The following CSMD2 variants were observed in gnomAD, a reference collection of about 807,000 sequenced individuals.
CSMD2 encodes the protein CUB and Sushi multiple domains 2.
CSMD2 carries 130 observed loss-of-function variants against 398.5 expected under a neutral mutation model. That is an observed-to-expected ratio of 0.33 (90% CI 0.28 to 0.38). CSMD2 has a LOEUF of 0.38. Ranked by LOEUF, CSMD2 falls within the 10% of genes least tolerant of loss-of-function variation. CSMD2 has a pLI of 1.00. For missense variants in CSMD2, 3,829 were observed against 4,764.9 expected (o/e 0.80, Z 5.78); for synonymous variants, 1,828 against 1,908.5 (o/e 0.96, Z 1.10).
rs1654335430 is a variant in CSMD2 at position 34,060,355 on chromosome 1, ATTC to A, written c.405-27652_405-27650del. On this transcript the variant is annotated intron_variant, in intron 2 of 70. Coordinates refer to ENST00000373381, the MANE Select transcript of CSMD2 (RefSeq NM_001281956.2). ...CCAACATGACAGCTGACTTTTAAAA[ATTC>A]TTCTTTATGACAGTCTTCATTTTCC... Among the ~76,000 whole-genome samples the A allele has an allele frequency of 3.3e-5, 5 of 152,342 alleles. No individual in the cohort carries two copies. In the South Asian group the frequency reaches 1.0e-3, roughly 32 times the overall value.
At position 33,577,493 on chromosome 1, in the gene CSMD2, C is replaced by T. The variant is rs530679204; in HGVS notation, c.7388-9G>A. The T allele has an allele frequency of 6.3e-7, 1 of 1,599,828 alleles. No homozygotes were observed. Among genetic ancestry groups the T allele is most frequent in the South Asian group, 1.1e-5 (1 of 89,698 alleles). On this transcript the variant is annotated splice_polypyrimidine_tract_variant and intron_variant, in intron 48 of 70. Coordinates refer to ENST00000373381, the MANE Select transcript of CSMD2 (RefSeq NM_001281956.2). ...CAGGCTGCAGTAAGGGGCTGAACAA[C>T]AAGATGAGGTTCAGGGAACTGGCAC...
chr1:34,098,028 G>A, intron 1 of CSMD2, among the ~76,000 whole-genome samples: 1 of 90,574 alleles, frequency 1.1e-5, no homozygotes, highest in Non-Finnish European at 2.1e-5. Context: ...GTCCAACAAT[G>A]ATAGACTGGA....
chr1:33,567,487 A>G, intron 53 of CSMD2, 106 bp downstream of exon 53: 1 of 687,154 alleles, frequency 1.5e-6, no homozygotes, highest in Non-Finnish European at 2.3e-6. Flanking sequence ...TCATATATAT[A>G]TATATATATT....
chr1:34,165,304 G>T, upstream of CSMD2: 1 of 1,200,792 alleles, frequency 8.3e-7, no homozygotes. Context: ...CCCGCTTCGC[G>T]GGGTTCGCGC....
intron 3 of CSMD2, among the ~76,000 whole-genome samples, chr1:33,947,814 A>C (rs984922647): frequency 1.3e-5 from 2 of 152,188 alleles, no homozygotes; most frequent in Non-Finnish European, 2.9e-5. Flanking sequence ...CTTCTATGAC[A>C]AACTTCACAC....
intron 32 of CSMD2, among the ~76,000 whole-genome samples, chr1:33,632,714 A>G (rs1266416257): frequency 6.6e-6 from 1 of 152,214 alleles, no homozygotes; most frequent in South Asian, 2.1e-4. Context: ...AAGATCTCAC[A>G]TATCCTTTAA....
chr1:33,999,339 G>A (rs1646823958), intron 3 of CSMD2, among the ~76,000 whole-genome samples: 1 of 152,184 alleles, frequency 6.6e-6, no homozygotes, highest in Admixed American at 6.5e-5. Flanking sequence ...ATGTCTCAAG[G>A]TTGAGCTTGC....
intron 2 of CSMD2, among the ~76,000 whole-genome samples, chr1:34,044,610 G>A (rs905903792): frequency 1.3e-5 from 2 of 152,164 alleles, no homozygotes; most frequent in African/African-American, 4.8e-5. Context: ...AAAGGTCTGA[G>A]ATGTGGTTCT....
At chr1:33,997,099 C>T (rs1206638900) in intron 3 of CSMD2, among the ~76,000 whole-genome samples, 3 of 152,184 alleles carry the variant, frequency 2.0e-5, no homozygotes, top group Non-Finnish European at 2.9e-5. Flanking sequence ...CACTCTGACA[C>T]CCAGCCTCTC....
intron 5 of CSMD2, among the ~76,000 whole-genome samples, chr1:33,866,216 T>C (rs915300370): frequency 2.6e-5 from 4 of 152,216 alleles, no homozygotes; most frequent in Non-Finnish European, 1.5e-5. Flanking sequence ...AGGTCATTTG[T>C]GGAGGATTTT....
chr1:34,153,977 C>T (rs1255883196), intron 1 of CSMD2, among the ~76,000 whole-genome samples: 1 of 152,192 alleles, frequency 6.6e-6, no homozygotes, highest in Non-Finnish European at 1.5e-5. Flanking sequence ...AAGCTATCTG[C>T]AACTTCTAAA....
At chr1:33,978,713 G>C (rs1225881118) in intron 3 of CSMD2, among the ~76,000 whole-genome samples, 1 of 152,180 alleles carries the variant, frequency 6.6e-6, no homozygotes, top group Non-Finnish European at 1.5e-5. Context: ...GATGATGCAA[G>C]GATGCTTACG....
chr1:34,082,045 G>A (rs1389093290), intron 2 of CSMD2, among the ~76,000 whole-genome samples: 1 of 148,896 alleles, frequency 6.7e-6, no homozygotes, highest in African/African-American at 2.5e-5. Context: ...GCCTCTTCCC[G>A]GCCGTCATCC....
At chr1:33,700,460 A>G (rs1008033939) in intron 23 of CSMD2, 57 bp downstream of exon 23, 5 of 1,580,576 alleles carry the variant, frequency 3.2e-6, no homozygotes, top group Non-Finnish European at 4.3e-6. Flanking sequence ...GCTCAAATAA[A>G]TGAATAAAAT....
rs955195517 is a variant in CSMD2, at chr1:34,089,198, G to C, written c.188-5C>G. 1.2e-6 allele frequency: 2 copies of C among 1,613,488 alleles called. No homozygotes were observed. Among genetic ancestry groups the C allele is most frequent in the African/African-American group, 2.7e-5 (2 of 74,894 alleles). Reference sequence around the variant, plus strand: ...GTTGGAACGTGCAGTTCTGGCCTGGGAAAGAGAAATGGAGCAGTTCAGAAT... The same window carrying C: ...GTTGGAACGTGCAGTTCTGGCCTGGCAAAGAGAAATGGAGCAGTTCAGAAT... On this transcript the variant is annotated splice_region_variant and splice_polypyrimidine_tract_variant and intron_variant, in intron 1 of 70. Coordinates refer to ENST00000373381, the MANE Select transcript of CSMD2 (RefSeq NM_001281956.2).
At chr1:34,062,305 A>G (rs1373618773) in intron 2 of CSMD2, among the ~76,000 whole-genome samples, 2 of 152,202 alleles carry the variant, frequency 1.3e-5, no homozygotes, top group African/African-American at 4.8e-5. Context: ...TAAACCCTTA[A>G]GCCTTCAACT....
intron 1 of CSMD2, among the ~76,000 whole-genome samples, chr1:34,096,415 ATT>A (rs1458936569): frequency 6.6e-6 from 1 of 152,044 alleles, no homozygotes; most frequent in Non-Finnish European, 1.5e-5. Context: ...GGCCAGGGCA[ATT>A]AGGCAGGAGA....
At chr1:33,830,044 G>C (rs959445716) in intron 6 of CSMD2, among the ~76,000 whole-genome samples, 2 of 152,214 alleles carry the variant, frequency 1.3e-5, no homozygotes, top group African/African-American at 4.8e-5. Context: ...GCTCAAGGAG[G>C]CCTGCCTGCC....
At chr1:34,016,804 A>G (rs1025299465) in intron 3 of CSMD2, among the ~76,000 whole-genome samples, 13 of 133,844 alleles carry the variant, frequency 9.7e-5, no homozygotes, top group African/African-American at 3.1e-4. Flanking sequence ...AGATAGATAG[A>G]CAGATAGAAT....
Sources: allele counts gnomAD v4.1 joint callset (sites outside exome capture counted in the v4.1 genomes callset), GRCh38; gene constraint gnomAD v4.1.1; transcripts MANE v1.5; gene names NCBI Gene and HGNC (gene_info 2026-07-23, HGNC 2026-07-21).